Variants in ZFYVE28 observed in about 807,000 individuals in gnomAD.
The protein encoded by ZFYVE28 is lateral signaling target protein 2 homolog.
Under a neutral mutation model 82.1 loss-of-function variants are expected in ZFYVE28, and 40 were observed. The ratio of observed to expected loss-of-function variants is 0.49; its 90% CI spans 0.38 to 0.63. The LOEUF is 0.63. Ranked by LOEUF, ZFYVE28 falls within the 30% of genes least tolerant of loss-of-function variation. The pLI is 0.00. For missense variants in ZFYVE28, 1,321 were observed against 1,242.1 expected (o/e 1.06, Z -0.96); for synonymous variants, 612 against 546.1 (o/e 1.12, Z -1.68).
chr4:2,312,119 A>G (rs1269589000), intron 7 of ZFYVE28, among the ~76,000 whole-genome samples: 2 of 152,016 alleles, frequency 1.3e-5, no homozygotes, highest in African/African-American at 4.8e-5. Flanking sequence ...TGCCTCACTC[A>G]GGCTGGTCTC....
At chr4:2,284,119 A>G (rs1056424333) in intron 8 of ZFYVE28, among the ~76,000 whole-genome samples, 2 of 152,222 alleles carry the variant, frequency 1.3e-5, no homozygotes, top group Non-Finnish European at 2.9e-5. Context: ...ATTCATTGAC[A>G]TCAATCGACA....
Position 2,394,054 on chromosome 4 carries a change from G to A in ZFYVE28, c.39+24231C>T, listed in dbSNP as rs114194554. Among the ~76,000 whole-genome samples, 312 of 152,220 alleles carry A rather than the reference G, an allele frequency of 2.0e-3. 1 individual carries two copies. Among genetic ancestry groups the A allele is most frequent in the Non-Finnish European group, 3.8e-3 (260 of 67,998 alleles). On this transcript the variant is annotated intron_variant, in intron 1 of 12. Coordinates refer to ENST00000290974, the MANE Select transcript of ZFYVE28 (RefSeq NM_020972.3). The surrounding 1 kb of genome is among the most constrained non-coding windows in gnomAD (Gnocchi z 4.0). The stretch of plus-strand genomic sequence containing the variant: ...TTGCACAGCTACTTCCCGACGCACG[G>A]CCGCCTCCCGGACCTTCAGAGCCAG...
Position 2,300,697 on chromosome 4 carries a change from C to T in ZFYVE28, c.2051+3592G>A, listed in dbSNP as rs1046470310. Among the ~76,000 whole-genome samples the T allele has an allele frequency of 1.3e-5, 2 of 152,142 alleles. No individual in the cohort carries two copies. The highest frequency in any genetic ancestry group is 4.8e-5 in the African/African-American group (2 of 41,410). ...CCAGAAACACAGGCTCCAGGGGTCT[C>T]GGGGGAATCTCACAGGCTGGTCGGC... is the stretch of plus-strand genomic sequence containing the variant. On this transcript the variant is annotated intron_variant, in intron 8 of 12. Coordinates refer to ENST00000290974, the MANE Select transcript of ZFYVE28 (RefSeq NM_020972.3). The surrounding 1 kb of genome is among the most constrained non-coding windows in gnomAD (Gnocchi z 4.6).
intron 2 of ZFYVE28, among the ~76,000 whole-genome samples, chr4:2,352,836 C>G (rs1042582311): frequency 2.0e-4 from 30 of 152,328 alleles, no homozygotes; most frequent in African/African-American, 7.0e-4. Context: ...GGGAACAGAG[C>G]CCCTCCCCAA....
chr4:2,414,390 G>A (rs1732822862), intron 1 of ZFYVE28, among the ~76,000 whole-genome samples: 1 of 152,268 alleles, frequency 6.6e-6, no homozygotes, highest in Non-Finnish European at 1.5e-5. Flanking sequence ...CAAAGGCCAT[G>A]TCATCGCTAA....
At chr4:2,413,125 C>T (rs959424487) in intron 1 of ZFYVE28, among the ~76,000 whole-genome samples, 1 of 152,226 alleles carries the variant, frequency 6.6e-6, no homozygotes, top group Non-Finnish European at 1.5e-5. Flanking sequence ...AATTGCCCTG[C>T]AAATGCCGCT....
At chr4:2,407,195 T>G (rs1732017086) in intron 1 of ZFYVE28, among the ~76,000 whole-genome samples, 1 of 152,194 alleles carries the variant, frequency 6.6e-6, no homozygotes, top group African/African-American at 2.4e-5. Context: ...TTTCCAGTAC[T>G]TCTTCAGCAA....
In ZFYVE28 at chr4:2,394,755, C is replaced by A. The variant is rs926890028; in HGVS notation, c.39+23530G>T. Among the ~76,000 whole-genome samples the A allele has an allele frequency of 6.6e-6, 1 of 152,220 alleles. No homozygotes were observed. The highest frequency in any genetic ancestry group is 6.5e-5 in the Admixed American group (1 of 15,290). ...GCATCGATGCCTGACTGCACGTGTG[C>A]GTGCTTCCATTACACTGTCGGCGGT... On this transcript the variant is annotated intron_variant, in intron 1 of 12. Transcript: ENST00000290974. This position sits in a 1 kb window ranked among gnomAD's most constrained non-coding sequence, Gnocchi z 4.0.
chr4:2,403,339 G>A (rs1731402118), intron 1 of ZFYVE28, among the ~76,000 whole-genome samples: 1 of 152,284 alleles, frequency 6.6e-6, no homozygotes. Flanking sequence ...GGGAAGCAGT[G>A]CGTGGAACCT....
intron 1 of ZFYVE28, among the ~76,000 whole-genome samples, chr4:2,380,827 G>A (rs1578323882): frequency 6.6e-6 from 1 of 152,272 alleles, no homozygotes; most frequent in Non-Finnish European, 1.5e-5. Context: ...GTGATTCGGA[G>A]GCCTCCCCAG....
At chr4:2,359,912 G>A (rs1725871501) in intron 1 of ZFYVE28, among the ~76,000 whole-genome samples, 2 of 152,084 alleles carry the variant, frequency 1.3e-5, no homozygotes, top group African/African-American at 2.4e-5. Context: ...TCTTGGGGTG[G>A]GCTCAAGCTT....
At position 2,332,715 on chromosome 4, in the gene ZFYVE28, G is replaced by A. The variant is rs549863535; in HGVS notation, c.701+2990C>T. ...CTGTGGATGACGAGGAACAAGACGG[G>A]ATCCGCTGGTGGTGCAGGGCTGCAG... On this transcript the variant is annotated intron_variant, in intron 6 of 12. Transcript: ENST00000290974. The surrounding 1 kb of genome is among the most constrained non-coding windows in gnomAD (Gnocchi z 4.7). Among the ~76,000 whole-genome samples, 1 of 152,292 alleles carries A rather than the reference G, an allele frequency of 6.6e-6. No homozygotes were observed. Among genetic ancestry groups the A allele is most frequent in the African/African-American group, 2.4e-5 (1 of 41,544 alleles).
rs1345649066 is a variant in ZFYVE28 at position 2,320,098 on chromosome 4, C to T, written c.803+72G>A. On this transcript the variant is annotated intron_variant, in intron 7 of 12. Coordinates refer to ENST00000290974, the MANE Select transcript of ZFYVE28 (RefSeq NM_020972.3). The surrounding 1 kb of genome is among the most constrained non-coding windows in gnomAD (Gnocchi z 5.1). ...GGAGGACCTGGAGGCGGCGGCTAAA[C>T]ATGACTTCAGCGCCCACCTGTGGCC... 17 of 1,464,146 alleles carry T rather than the reference C, an allele frequency of 1.2e-5. No individual in the cohort carries two copies. In the East Asian group the frequency reaches 2.1e-4, roughly 18 times the overall value. The allele number at this position is 1,464,146 out of a possible 1,614,324, so 90.7% of individuals were successfully genotyped here.
chr4:2,351,822 C>A (rs1724501116), intron 2 of ZFYVE28, among the ~76,000 whole-genome samples: 1 of 152,212 alleles, frequency 6.6e-6, no homozygotes, highest in South Asian at 2.1e-4. Flanking sequence ...CCATGGCCCC[C>A]TTCTGGGGTT....
intron 1 of ZFYVE28, among the ~76,000 whole-genome samples, chr4:2,399,017 C>G (rs1336414820): frequency 1.6e-4 from 18 of 112,502 alleles, no homozygotes; most frequent in East Asian, 6.4e-4. Context: ...GGGGCGAGAT[C>G]TAGGGCACAA....
chr4:2,340,483 G>A (rs1268754940), intron 3 of ZFYVE28, among the ~76,000 whole-genome samples: 1 of 152,228 alleles, frequency 6.6e-6, no homozygotes, highest in Non-Finnish European at 1.5e-5. Context: ...CCTCAGGGAT[G>A]ATCAAGTGAT....
chr4:2,382,591 G>A (rs577266764), intron 1 of ZFYVE28, among the ~76,000 whole-genome samples: 3 of 152,254 alleles, frequency 2.0e-5, no homozygotes, highest in African/African-American at 4.8e-5. Flanking sequence ...ATGGCTATAT[G>A]TACCCAATAC....
intron 1 of ZFYVE28, among the ~76,000 whole-genome samples, chr4:2,357,190 C>T (rs183593546): frequency 1.3e-5 from 2 of 152,352 alleles, no homozygotes; most frequent in Non-Finnish European, 2.9e-5. Context: ...AGCCACCGCA[C>T]CCAGCGCAGT....
At chr4:2,278,927 G>GT (rs1007835453) in intron 8 of ZFYVE28, among the ~76,000 whole-genome samples, 4 of 76,940 alleles carry the variant, frequency 5.2e-5, no homozygotes, top group Non-Finnish European at 1.0e-4. Context: ...CGATTAGAAT[G>GT]TTCCCCCCCC....
Sources: allele counts gnomAD v4.1 joint callset (sites outside exome capture counted in the v4.1 genomes callset), GRCh38; gene constraint gnomAD v4.1.1; non-coding constraint Gnocchi (gnomAD v3.1); transcripts MANE v1.5; gene names NCBI Gene and HGNC (gene_info 2026-07-23, HGNC 2026-07-21).